PEBP4: variants seen among roughly 807,000 people sequenced by gnomAD.
PEBP4 encodes the protein phosphatidylethanolamine binding protein 4, also known as phosphatidylethanolamine-binding protein 4.
PEBP4 carries 22 observed loss-of-function variants against 23.9 expected under a neutral mutation model. The observed-to-expected ratio is 0.92, with a 90% confidence interval of 0.66 to 1.31. PEBP4 has a LOEUF of 1.31. Among genes scored for constraint, PEBP4 ranks in the 40% most tolerant of loss-of-function variants. The pLI, the probability that PEBP4 is intolerant of heterozygous loss-of-function variation, is 0.00. For synonymous variants in PEBP4, 112 were observed against 99.3 expected, an observed-to-expected ratio of 1.13 and a Z score of -0.76; for missense variants, 324 against 281.7, an observed-to-expected ratio of 1.15 and a Z score of -1.07.
In PEBP4 at chr8:22,733,217, T is replaced by C. The variant is rs544044784; in HGVS notation, c.358-5997A>G. Among the ~76,000 whole-genome samples the C allele has an allele frequency of 9.2e-5, 14 of 152,294 alleles. No individual in the cohort carries two copies. The South Asian group carries it at 2.3e-3, about 25-fold the overall frequency. Reference sequence around the variant, plus strand: ...CTCCTCGAGGGTGGGGACTACACCCTACCCATCTTTGTGACCTATGAGACG... The same window carrying C: ...CTCCTCGAGGGTGGGGACTACACCCCACCCATCTTTGTGACCTATGAGACG... On this transcript the variant is annotated intron_variant, in intron 4 of 6. Coordinates refer to ENST00000256404, the MANE Select transcript of PEBP4 (RefSeq NM_144962.3).
At chr8:22,910,053 C>T (rs1036454397) in intron 3 of PEBP4, among the ~76,000 whole-genome samples, 22 of 152,210 alleles carry the variant, frequency 1.4e-4, no homozygotes, top group Non-Finnish European at 4.4e-5. Flanking sequence ...AAACGAGGTA[C>T]TGAGGCAGCA....
chr8:22,804,660 G>T (rs991175598), intron 4 of PEBP4, among the ~76,000 whole-genome samples: 1 of 151,766 alleles, frequency 6.6e-6, no homozygotes, highest in African/African-American at 2.4e-5. Flanking sequence ...TCCTCCCTTC[G>T]CCCAGATGCA....
At chr8:22,751,586 GTC>G (rs1352852711) in intron 4 of PEBP4, among the ~76,000 whole-genome samples, 5 of 126,104 alleles carry the variant, frequency 4.0e-5, no homozygotes, top group Admixed American at 2.6e-4. Context: ...GGAGGAGTGT[GTC>G]TGTGTGTGTG....
At chr8:22,893,199 G>A (rs995592626) in intron 3 of PEBP4, among the ~76,000 whole-genome samples, 6 of 152,164 alleles carry the variant, frequency 3.9e-5, no homozygotes, top group African/African-American at 1.4e-4. Context: ...TGGGGCAGCA[G>A]GGAGAGTATT....
chr8:22,762,829 G>T lies in PEBP4; in HGVS notation c.358-35609C>A, dbSNP rs186608184. Among the ~76,000 whole-genome samples, 252 of 152,218 alleles carry T rather than the reference G, an allele frequency of 1.7e-3. 2 individuals are homozygous for T. Among genetic ancestry groups the T allele is most frequent in the African/African-American group, 5.8e-3 (242 of 41,514 alleles). On this transcript the variant is annotated intron_variant, in intron 4 of 6. Coordinates refer to ENST00000256404, the MANE Select transcript of PEBP4 (RefSeq NM_144962.3). ...AGCCAAGGATTCCTGGCTGAAAGGG[G>T]CTATGCATGTCCCCTAACATCACAG...
intron 3 of PEBP4, among the ~76,000 whole-genome samples, chr8:22,917,304 G>A (rs75578890): frequency 5.9e-5 from 9 of 152,014 alleles, no homozygotes; most frequent in East Asian, 1.9e-4. Context: ...CAGGCTCCCC[G>A]CACCCTTTTC....
chr8:22,905,736 C>T (rs1476182502), intron 3 of PEBP4, among the ~76,000 whole-genome samples: 1 of 152,220 alleles, frequency 6.6e-6, no homozygotes, highest in South Asian at 2.1e-4. Flanking sequence ...GCTGCTCCCA[C>T]CTCACAGGTC....
intron 4 of PEBP4, among the ~76,000 whole-genome samples, chr8:22,734,896 C>T (rs1804825029): frequency 1.3e-5 from 2 of 152,188 alleles, no homozygotes; most frequent in South Asian, 4.1e-4. Context: ...TCACCCAGAG[C>T]GTCACCACCC....
chr8:22,816,501 T>C (rs1425401967), intron 4 of PEBP4, among the ~76,000 whole-genome samples: 1 of 152,232 alleles, frequency 6.6e-6, no homozygotes, highest in East Asian at 1.9e-4. Flanking sequence ...CCCACAGTTC[T>C]AGAAGGAAAA....
chr8:22,914,874 G>A (rs553929173), intron 3 of PEBP4, among the ~76,000 whole-genome samples: 3 of 152,232 alleles, frequency 2.0e-5, no homozygotes, highest in Non-Finnish European at 2.9e-5. Context: ...TGAAGGCACC[G>A]TTATTAGAGT....
intron 4 of PEBP4, among the ~76,000 whole-genome samples, chr8:22,817,232 C>T (rs143878713): frequency 2.6e-5 from 4 of 152,356 alleles, no homozygotes; most frequent in East Asian, 1.9e-4. Context: ...GCCACCTGCA[C>T]GTCTCAGAAT....
chr8:22,753,143 T>TAC (rs1805304275), intron 4 of PEBP4, among the ~76,000 whole-genome samples: 1 of 152,138 alleles, frequency 6.6e-6, no homozygotes, highest in South Asian at 2.1e-4. Flanking sequence ...CAGGGCTGGG[T>TAC]ACTACAGGGG....
intron 4 of PEBP4, among the ~76,000 whole-genome samples, chr8:22,797,552 A>G (rs906523730): frequency 1.3e-5 from 2 of 152,118 alleles, no homozygotes; most frequent in Non-Finnish European, 2.9e-5. Context: ...AGAAGAAGGG[A>G]AAGGATATTC....
At chr8:22,861,063 C>CGT (rs1807770549) in intron 3 of PEBP4, among the ~76,000 whole-genome samples, 1 of 152,208 alleles carries the variant, frequency 6.6e-6, no homozygotes, top group South Asian at 2.1e-4. Context: ...TTCCTTGGAA[C>CGT]GTAGAGCTTC....
At chr8:22,754,022 A>G (rs529613538) in intron 4 of PEBP4, among the ~76,000 whole-genome samples, 9 of 152,166 alleles carry the variant, frequency 5.9e-5, no homozygotes, top group Non-Finnish European at 1.3e-4. Context: ...TAGAGCAGGA[A>G]CGAGGGTTGC....
intron 3 of PEBP4, among the ~76,000 whole-genome samples, chr8:22,877,672 TCCCCC>T (rs1808152291): frequency 2.2e-5 from 2 of 90,374 alleles, no homozygotes; most frequent in Admixed American, 1.0e-4. Context: ...CCTCCCCACC[TCCCCC>T]TCCTGTTATG....
intron 3 of PEBP4, among the ~76,000 whole-genome samples, chr8:22,828,888 G>A (rs1807027718): frequency 1.3e-5 from 2 of 151,968 alleles, no homozygotes; most frequent in South Asian, 4.2e-4. Flanking sequence ...GACTTCCATA[G>A]CTACACCCTG....
At chr8:22,748,470 G>C (rs1805176992) in intron 4 of PEBP4, among the ~76,000 whole-genome samples, 1 of 151,714 alleles carries the variant, frequency 6.6e-6, no homozygotes, top group Admixed American at 6.6e-5. Flanking sequence ...ATGCCTGAGG[G>C]GAGAGGGCAC....
At chr8:22,861,802 G>T (rs192413901) in intron 3 of PEBP4, among the ~76,000 whole-genome samples, 1 of 152,184 alleles carries the variant, frequency 6.6e-6, no homozygotes, top group Admixed American at 6.5e-5. Context: ...TGGGGTAGGG[G>T]TGGTGGACAG....
Sources: allele counts gnomAD v4.1 joint callset (sites outside exome capture counted in the v4.1 genomes callset), GRCh38; gene constraint gnomAD v4.1.1; transcripts MANE v1.5; gene names NCBI Gene and HGNC (gene_info 2026-07-23, HGNC 2026-07-21).